The following PGBD2 variants were observed in gnomAD, a reference collection of about 807,000 sequenced individuals.
PGBD2 encodes the protein piggyBac transposable element-derived protein 2.
A neutral mutation model predicts 8.1 loss-of-function variants in PGBD2; 6 were observed. The observed-to-expected ratio is 0.74, with a 90% CI of 0.40 to 1.46. The LOEUF is 1.46. Among genes scored for constraint, PGBD2 ranks in the 40% most tolerant of loss-of-function variants. The pLI is 0.02. For synonymous variants in PGBD2, 318 were observed against 272.2 expected (o/e 1.17, Z -1.66); for missense variants, 802 against 739.0 (o/e 1.09, Z -0.99).
At chr1:248,908,533 G>A (rs555162924) in intron 1 of PGBD2, among the ~76,000 whole-genome samples, 29 of 152,230 alleles carry the variant, frequency 1.9e-4, no homozygotes, top group Admixed American at 1.8e-3. Flanking sequence ...CCTTAAGTGT[G>A]TCCATTTCTC....
the PGBD2 span, among the ~76,000 whole-genome samples, chr1:248,883,584 CTTTTTTTTT>C: frequency 4.5e-5 from 4 of 89,164 alleles, no homozygotes; most frequent in Admixed American, 2.6e-4. Flanking sequence ...TTTTTTTTTT[CTTTTTTTTT>C]TTTTTTTTTT....
At chr1:248,880,482 A>G in the PGBD2 span, among the ~76,000 whole-genome samples, 3 of 152,354 alleles carry the variant, frequency 2.0e-5, no homozygotes, top group South Asian at 2.1e-4. Context: ...TTTAGAATCT[A>G]GTTTCTATGT....
chr1:248,872,917 T>C, the PGBD2 span, among the ~76,000 whole-genome samples: 1 of 152,232 alleles, frequency 6.6e-6, no homozygotes, highest in Non-Finnish European at 1.5e-5. Context: ...AAAAATATTT[T>C]AGCAAAAGTC....
At chr1:248,894,765 T>C in the PGBD2 span, among the ~76,000 whole-genome samples, 2 of 141,158 alleles carry the variant, frequency 1.4e-5, no homozygotes, top group African/African-American at 5.1e-5. Flanking sequence ...TTCCCCTTCC[T>C]CTTCTCCTTC....
chr1:248,879,099 C>T, the PGBD2 span, among the ~76,000 whole-genome samples: 1 of 152,170 alleles, frequency 6.6e-6, no homozygotes. Flanking sequence ...TGAGTGTGTG[C>T]CTAAATGTCC....
chr1:248,908,401 G>A lies in PGBD2; in HGVS notation c.-48+2059G>A, dbSNP rs1434033853. ...CCCAGTGCTGCTAGGCTTAGTGAAT[G>A]GCACCTCTGTGCACCAGCCATAGGG... is the stretch of plus-strand genomic sequence containing the variant. On this transcript the variant is annotated intron_variant, in intron 1 of 2. Transcript: ENST00000329291. 5.3e-5 allele frequency among the ~76,000 whole-genome samples: 8 copies of A among 152,274 alleles called. No homozygotes were observed. In the South Asian group the frequency reaches 1.7e-3, roughly 32 times the overall value.
the PGBD2 span, among the ~76,000 whole-genome samples, chr1:248,895,748 C>G: frequency 6.6e-6 from 1 of 151,998 alleles, no homozygotes; most frequent in Admixed American, 6.6e-5. Context: ...AGTGCAGTGG[C>G]GTGATCTTGG....
the PGBD2 span, among the ~76,000 whole-genome samples, chr1:248,926,459 T>C: frequency 1.1e-4 from 16 of 152,238 alleles, no homozygotes; most frequent in Admixed American, 1.3e-4. Flanking sequence ...CTCCAGGAGC[T>C]GCAAGCTGTA....
chr1:248,874,617 C>G, the PGBD2 span, among the ~76,000 whole-genome samples: 1 of 152,294 alleles, frequency 6.6e-6, no homozygotes, highest in African/African-American at 2.4e-5. Flanking sequence ...TTCAAAAAGT[C>G]TCCCTAGGTG....
At chr1:248,879,133 A>C in the PGBD2 span, among the ~76,000 whole-genome samples, 123 of 152,264 alleles carry the variant, frequency 8.1e-4, no homozygotes, top group African/African-American at 2.8e-3. Context: ...AATTATAAGA[A>C]TGTTTGTAGA....
At chr1:248,882,805 G>A in the PGBD2 span, among the ~76,000 whole-genome samples, 13 of 152,276 alleles carry the variant, frequency 8.5e-5, no homozygotes, top group Admixed American at 2.6e-4. Context: ...CTGTTGGCTC[G>A]TTCTGGCAGT....
chr1:248,928,861 A>G, the PGBD2 span, among the ~76,000 whole-genome samples: 2 of 152,208 alleles, frequency 1.3e-5, no homozygotes, highest in Non-Finnish European at 2.9e-5. Context: ...TTCTTCTGCC[A>G]TATGCATAGT....
At chr1:248,922,868 G>A (rs1380096369), downstream of PGBD2, among the ~76,000 whole-genome samples, 5 of 152,176 alleles carry the variant, frequency 3.3e-5, no homozygotes, top group Non-Finnish European at 5.9e-5. Context: ...CCAGTATTTT[G>A]TTGAGGATTT....
intron 2 of PGBD2, among the ~76,000 whole-genome samples, chr1:248,916,357 T>G (rs774180892): frequency 6.6e-6 from 1 of 152,042 alleles, no homozygotes; most frequent in East Asian, 1.9e-4. Context: ...GAGGTTGCAA[T>G]GCACCACTGC....
chr1:248,881,384 G>T, the PGBD2 span, among the ~76,000 whole-genome samples: 22 of 152,162 alleles, frequency 1.4e-4, no homozygotes, highest in African/African-American at 4.8e-4. Flanking sequence ...TGTATATTTT[G>T]ATTGGTCTAT....
upstream of PGBD2, among the ~76,000 whole-genome samples, chr1:248,905,370 C>T (rs139674389): frequency 5.2e-3 from 798 of 152,254 alleles, 7 homozygotes; most frequent in Non-Finnish European, 9.0e-3. Context: ...CAGTTTTCTG[C>T]GGAGTACACT....
chr1:248,893,342 G>T, the PGBD2 span, among the ~76,000 whole-genome samples: 1 of 152,152 alleles, frequency 6.6e-6, no homozygotes, highest in Non-Finnish European at 1.5e-5. Flanking sequence ...TTATGTAACT[G>T]TAACTTTATA....
the PGBD2 span, among the ~76,000 whole-genome samples, chr1:248,890,536 G>A: frequency 4.6e-5 from 7 of 152,076 alleles, no homozygotes; most frequent in Middle Eastern, 6.8e-3. Context: ...ACCAGTCTAA[G>A]GGCTACAGAA....
downstream of PGBD2, among the ~76,000 whole-genome samples, chr1:248,923,012 G>A (rs554633836): frequency 2.0e-5 from 3 of 152,234 alleles, no homozygotes; most frequent in Admixed American, 2.0e-4. Flanking sequence ...CTATTGTTTG[G>A]AATAGTTTCA....
Sources: allele counts gnomAD v4.1 joint callset (sites outside exome capture counted in the v4.1 genomes callset), GRCh38; gene constraint gnomAD v4.1.1; transcripts MANE v1.5; gene names NCBI Gene and HGNC (gene_info 2026-07-23, HGNC 2026-07-21).